Variants in NIBAN2 observed in about 807,000 individuals in gnomAD.
The protein encoded by NIBAN2 is protein Niban 2.
In NIBAN2, 36 loss-of-function variants were observed where a neutral mutation model predicts 81.8. The observed-to-expected ratio is 0.44, with a 90% CI of 0.34 to 0.58. The LOEUF (loss-of-function observed/expected upper bound fraction) is 0.58. Ranked by LOEUF, NIBAN2 falls within the 20% of genes least tolerant of loss-of-function variation. NIBAN2 has a pLI of 0.02. For synonymous variants in NIBAN2, 445 were observed against 441.6 expected (o/e 1.01, Z -0.10); for missense variants, 897 against 1,014.1 (o/e 0.88, Z 1.57).
chr9:127,554,947 A>C (rs913253257), intron 1 of NIBAN2, among the ~76,000 whole-genome samples: 7 of 152,298 alleles, frequency 4.6e-5, no homozygotes, highest in Admixed American at 3.9e-4. Context: ...AACAAAAAAC[A>C]AAAAACAAAA....
chr9:127,575,962 T>C (rs1838004027), intron 1 of NIBAN2, among the ~76,000 whole-genome samples: 1 of 152,136 alleles, frequency 6.6e-6, no homozygotes, highest in Non-Finnish European at 1.5e-5. Context: ...CTGCCATTAT[T>C]ATCACCCCCT....
chr9:127,574,554 T>A (rs181963606), intron 1 of NIBAN2, among the ~76,000 whole-genome samples: 6 of 152,162 alleles, frequency 3.9e-5, no homozygotes, highest in Admixed American at 2.0e-4. Context: ...GCTAGTCCTG[T>A]AGGAAGAAGG....
upstream of NIBAN2, chr9:127,579,013 T>A (rs1838043760): frequency 7.4e-7 from 1 of 1,359,636 alleles, no homozygotes; most frequent in African/African-American, 1.5e-5. Flanking sequence ...CCTTGAGAGC[T>A]GTTTGCTGCT....
intron 1 of NIBAN2, 40 bp downstream of exon 1, chr9:127,568,780 G>C (rs1161992367): frequency 7.9e-6 from 10 of 1,263,912 alleles, no homozygotes; most frequent in Non-Finnish European, 8.9e-6. Flanking sequence ...CGGGGGTTCC[G>C]GCAGGCCCCT....
intron 1 of NIBAN2, among the ~76,000 whole-genome samples, chr9:127,550,381 T>G (rs569577418): frequency 2.6e-5 from 4 of 152,374 alleles, no homozygotes; most frequent in African/African-American, 9.6e-5. Flanking sequence ...GCACTGTCCC[T>G]GACTGTTGCC....
chr9:127,542,214 G>A (rs777250854), intron 1 of NIBAN2, among the ~76,000 whole-genome samples: 13 of 152,192 alleles, frequency 8.5e-5, no homozygotes, highest in African/African-American at 2.4e-4. Context: ...GGGTCTCGCA[G>A]AGGCTGCTCC....
intron 1 of NIBAN2, among the ~76,000 whole-genome samples, chr9:127,551,586 A>C (rs2253843): frequency 4.0e-5 from 6 of 151,162 alleles, no homozygotes; most frequent in African/African-American, 1.5e-4. Context: ...CGTGGTGCAC[A>C]TGCCTGTAGT....
intron 8 of NIBAN2, among the ~76,000 whole-genome samples, chr9:127,515,764 G>A: frequency 6.6e-6 from 1 of 151,364 alleles, no homozygotes; most frequent in East Asian, 2.0e-4. Flanking sequence ...TTGAACCCGA[G>A]AGGCAAGGTT....
At chr9:127,544,878 A>G (rs377056143) in intron 1 of NIBAN2, among the ~76,000 whole-genome samples, 41 of 152,304 alleles carry the variant, frequency 2.7e-4, no homozygotes, top group African/African-American at 9.6e-4. Flanking sequence ...GGCCAGCCAC[A>G]TACTCCTAAG....
intron 1 of NIBAN2, among the ~76,000 whole-genome samples, chr9:127,533,222 C>T (rs370620475): frequency 1.3e-5 from 2 of 151,752 alleles, no homozygotes; most frequent in South Asian, 2.1e-4. Context: ...TTTGGGAGGC[C>T]GAGGTGGGCA....
At chr9:127,564,871 A>G (rs1837831823) in intron 1 of NIBAN2, among the ~76,000 whole-genome samples, 1 of 152,142 alleles carries the variant, frequency 6.6e-6, no homozygotes, top group Non-Finnish European at 1.5e-5. Flanking sequence ...TCTCAAAAAA[A>G]AAAAAAAAAT....
chr9:127,510,342 C>T lies in NIBAN2; in HGVS notation c.974-9G>A, dbSNP rs1370776798. 6.3e-7 allele frequency: 1 copy of T among 1,583,190 alleles called. No individual in the cohort carries two copies. Among genetic ancestry groups the T allele is most frequent in the Non-Finnish European group, 8.6e-7 (1 of 1,159,094 alleles). On this transcript the variant is annotated splice_polypyrimidine_tract_variant and intron_variant, in intron 8 of 13. Coordinates refer to ENST00000373312, the MANE Select transcript of NIBAN2 (RefSeq NM_022833.4). ...CTTGGGGAGGATGAAGGCTGTGCCC[C>T]GAGGGAGCCGGGTCAGCAGGGGCTC...
At chr9:127,557,101 T>C (rs893168362) in intron 1 of NIBAN2, among the ~76,000 whole-genome samples, 1 of 151,934 alleles carries the variant, frequency 6.6e-6, no homozygotes, top group Non-Finnish European at 1.5e-5. Flanking sequence ...ATCACAACCA[T>C]GTGAGAAGGG....
chr9:127,515,161 G>C (rs188806456), intron 8 of NIBAN2, among the ~76,000 whole-genome samples: 17 of 152,216 alleles, frequency 1.1e-4, no homozygotes, highest in African/African-American at 1.7e-4. Context: ...AGGAGGTCAC[G>C]CAGTGAACCA....
At chr9:127,568,660 G>C (rs2132243193) in intron 1 of NIBAN2, among the ~76,000 whole-genome samples, 160 bp downstream of exon 1, 1 of 152,174 alleles carries the variant, frequency 6.6e-6, no homozygotes, top group Admixed American at 6.5e-5. Context: ...GGCTCAGAGG[G>C]AACGAGCTCG....
chr9:127,539,203 C>A (rs946472596), intron 1 of NIBAN2, among the ~76,000 whole-genome samples: 5 of 152,034 alleles, frequency 3.3e-5, no homozygotes, highest in African/African-American at 4.8e-5. Context: ...CAAAGACACA[C>A]AACGGAGGGG....
chr9:127,578,341 T>C (rs10760491), intron 1 of NIBAN2, among the ~76,000 whole-genome samples: 113,941 of 141,790 alleles, frequency 0.8, 45,730 homozygotes, highest in African/African-American at 0.89. Flanking sequence ...GGCAACAGAG[T>C]GAGACTTGGT....
At position 127,536,165 on chromosome 9, in the gene NIBAN2, T is replaced by C. The variant is rs1246889753; in HGVS notation, c.56-4387A>G. ...CAGCATGGAAGGAACCGCCACGTGC[T>C]TTGTACAGAGGAAGTAACCCAGAGA... On this transcript the variant is annotated intron_variant, in intron 1 of 13. Coordinates refer to ENST00000373312, the MANE Select transcript of NIBAN2 (RefSeq NM_022833.4). The surrounding 1 kb of genome is among the most constrained non-coding windows in gnomAD (Gnocchi z 4.0). Among the ~76,000 whole-genome samples the C allele has an allele frequency of 2.0e-5, 3 of 152,136 alleles. No homozygotes were observed. Among genetic ancestry groups the C allele is most frequent in the Non-Finnish European group, 1.5e-5 (1 of 68,022 alleles).
intron 1 of NIBAN2, among the ~76,000 whole-genome samples, chr9:127,576,543 C>T (rs895361240): frequency 2.0e-5 from 3 of 152,096 alleles, no homozygotes; most frequent in Non-Finnish European, 4.4e-5. Flanking sequence ...GCTTCTGCCT[C>T]ATTGAATGGT....
Sources: allele counts gnomAD v4.1 joint callset (sites outside exome capture counted in the v4.1 genomes callset), GRCh38; gene constraint gnomAD v4.1.1; non-coding constraint Gnocchi (gnomAD v3.1); transcripts MANE v1.5; gene names NCBI Gene and HGNC (gene_info 2026-07-23, HGNC 2026-07-21).